The following ARHGAP17 variants were observed in gnomAD, a reference collection of about 807,000 sequenced individuals.
ARHGAP17 encodes rho GTPase-activating protein 17.
In ARHGAP17, 57 loss-of-function variants were observed where a neutral mutation model predicts 99.5. The ratio of observed to expected loss-of-function variants is 0.57; its 90% CI spans 0.46 to 0.71. The LOEUF is 0.71. ARHGAP17 is among the 30% of genes least tolerant of loss of function. The pLI is 0.00. For synonymous variants in ARHGAP17, 417 were observed against 429.6 expected, an observed-to-expected ratio of 0.97 and a Z score of 0.36; for missense variants, 1,000 against 1,122.4, an observed-to-expected ratio of 0.89 and a Z score of 1.56.
At chr16:24,983,365 G>C (rs904281216) in intron 1 of ARHGAP17, among the ~76,000 whole-genome samples, 2 of 149,048 alleles carry the variant, frequency 1.3e-5, no homozygotes, top group African/African-American at 5.1e-5. Flanking sequence ...GCAGTGGCCT[G>C]ATCACAGCTC....
chr16:24,950,980 G>A (rs1448879929), intron 12 of ARHGAP17, among the ~76,000 whole-genome samples: 2 of 152,176 alleles, frequency 1.3e-5, no homozygotes, highest in Admixed American at 6.5e-5. Context: ...AGGGAACAGG[G>A]GCAGTGTCCG....
intron 1 of ARHGAP17, among the ~76,000 whole-genome samples, chr16:24,982,983 T>TATATATAC (rs1555467465): frequency 6.7e-5 from 1 of 15,004 alleles, no homozygotes; most frequent in African/African-American, 2.0e-4. Context: ...TATATATATA[T>TATATATAC]ATATATATAT....
intron 9 of ARHGAP17, among the ~76,000 whole-genome samples, chr16:24,957,850 C>T (rs1336243657): frequency 6.6e-6 from 1 of 152,112 alleles, no homozygotes; most frequent in African/African-American, 2.4e-5. Flanking sequence ...CAGATTACCA[C>T]CAACTGACCA....
chr16:24,982,311 C>T (rs1456384663), intron 1 of ARHGAP17, among the ~76,000 whole-genome samples: 3 of 151,338 alleles, frequency 2.0e-5, no homozygotes, highest in Admixed American at 1.3e-4. Flanking sequence ...GGTTGAGGCA[C>T]GAGAATTGCT....
chr16:24,968,808 T>C, intron 4 of ARHGAP17, 36 bp from the exon 5 acceptor site: 1 of 1,600,262 alleles, frequency 6.2e-7, no homozygotes, highest in Non-Finnish European at 8.6e-7. Flanking sequence ...GAGCACGTGC[T>C]CATTAAATCA....
chr16:24,981,472 C>G (rs980272152), intron 1 of ARHGAP17, among the ~76,000 whole-genome samples: 1 of 151,968 alleles, frequency 6.6e-6, no homozygotes, highest in Non-Finnish European at 1.5e-5. Context: ...AGGGAAAGGG[C>G]CCTAAACCCT....
chr16:24,938,288 C>T lies in ARHGAP17; in HGVS notation c.1724+1076G>A, dbSNP rs186079237. On this transcript the variant is annotated intron_variant, in intron 17 of 19. Transcript: ENST00000289968. ...CTGAGGCAAGAGAATCACTTGAACC[C>T]GGGAGACGGAGGTTGCAGTGAACCG... is the stretch of plus-strand genomic sequence containing the variant. Among the ~76,000 whole-genome samples, 48 of 151,984 alleles carry T rather than the reference C, an allele frequency of 3.2e-4. No homozygotes were observed. The Middle Eastern group carries it at 0.01, about 32-fold the overall frequency.
intron 13 of ARHGAP17, among the ~76,000 whole-genome samples, chr16:24,948,548 T>C (rs914556001): frequency 6.6e-6 from 1 of 152,112 alleles, no homozygotes; most frequent in Non-Finnish European, 1.5e-5. Flanking sequence ...ACTCTCAACA[T>C]ACTAAGAAGT....
At position 24,977,293 on chromosome 16, in the gene ARHGAP17, C is replaced by G. The variant is rs139174554; in HGVS notation, c.120G>C (p.Arg40=). The change falls in exon 3 of 20, where the codon CGG becomes CGC. Residue 40 remains arginine (R), a synonymous_variant. Coordinates refer to ENST00000289968, the MANE Select transcript of ARHGAP17 (RefSeq NM_001006634.3). Reference sequence around the variant, plus strand: ...GCTTATGGGAATGGTGGCATATTGACCGCACCGTGTCCAGGCGTCTCTCAA... The same window carrying G: ...GCTTATGGGAATGGTGGCATATTGAGCGCACCGTGTCCAGGCGTCTCTCAA... ...LQIERRLDTV[R]SICHHSHKRL... The G allele has an allele frequency of 1.7e-5, 27 of 1,594,662 alleles. No homozygotes were observed. The highest frequency in any genetic ancestry group is 2.2e-5 in the Non-Finnish European group (26 of 1,166,636).
At chr16:24,975,600 A>T (rs2052491229) in intron 3 of ARHGAP17, among the ~76,000 whole-genome samples, 1 of 152,186 alleles carries the variant, frequency 6.6e-6, no homozygotes, top group Non-Finnish European at 1.5e-5. Flanking sequence ...CTGTTGTGCA[A>T]GAGTGGAAAA....
Position 24,935,559 on chromosome 16 carries a change from T to C in ARHGAP17, c.1805A>G (p.Asn602Ser), listed in dbSNP as rs780759215. ...RNNSQIASGQ[N>S]QPQAAAGSHQ... ...GGAGCCAGCAGCTGCCTGGGGCTGA[T>C]TTTGGCCAGATGCTATCTGACTGTT... is the stretch of plus-strand genomic sequence containing the variant. Residue 602 changes from asparagine to serine, a missense_variant, in exon 18 of 20, where the codon AAT (asparagine) becomes AGT (serine). Coordinates refer to ENST00000289968, the MANE Select transcript of ARHGAP17 (RefSeq NM_001006634.3). 4 of 1,614,054 alleles carry C rather than the reference T, an allele frequency of 2.5e-6. No individual in the cohort carries two copies. The highest frequency in any genetic ancestry group is 3.3e-4 in the Middle Eastern group (2 of 6,062).
At chr16:24,948,107 T>A (rs2051526784) in intron 13 of ARHGAP17, among the ~76,000 whole-genome samples, 1 of 152,138 alleles carries the variant, frequency 6.6e-6, no homozygotes, top group Non-Finnish European at 1.5e-5. Flanking sequence ...CTTAAATAAA[T>A]CACAGTATAT....
intron 12 of ARHGAP17, among the ~76,000 whole-genome samples, chr16:24,950,663 T>C (rs113306001): frequency 1.8e-4 from 28 of 151,886 alleles, no homozygotes; most frequent in African/African-American, 6.3e-4. Context: ...GGTGAAACCT[T>C]GTCTCTACTA....
rs190430093 is a variant in ARHGAP17, at chr16:24,988,697, G to A, written c.54-9692C>T. Among the ~76,000 whole-genome samples, 322 of 152,192 alleles carry A rather than the reference G, an allele frequency of 2.1e-3. 1 individual carries two copies. The highest frequency in any genetic ancestry group is 6.9e-3 in the African/African-American group (285 of 41,526). On this transcript the variant is annotated intron_variant, in intron 1 of 19. Coordinates refer to ENST00000289968, the MANE Select transcript of ARHGAP17 (RefSeq NM_001006634.3). ...AGCTTACCCACGCAGCGTTTTGTTCGGTCAGTTGGCTTTTTCCCCTCTGGC... is the reference window on the plus strand; with the variant it reads ...AGCTTACCCACGCAGCGTTTTGTTCAGTCAGTTGGCTTTTTCCCCTCTGGC...
intron 2 of ARHGAP17, among the ~76,000 whole-genome samples, chr16:24,978,342 G>A (rs996345429): frequency 5.3e-5 from 8 of 152,136 alleles, no homozygotes; most frequent in East Asian, 3.9e-4. Context: ...TTTAATATTC[G>A]TTGAGAGGGC....
At chr16:24,924,810 C>G (rs2050799708) in intron 19 of ARHGAP17, among the ~76,000 whole-genome samples, 1 of 151,770 alleles carries the variant, frequency 6.6e-6, no homozygotes. Flanking sequence ...TCACAGTGAG[C>G]TGAGATCGCA....
At position 25,013,211 on chromosome 16, in the gene ARHGAP17, G is replaced by C. The variant is rs958857011; in HGVS notation, c.53+1998C>G. ...CCAGAAGGCTGAAGAATGAGCAAGA[G>C]GTGCCTGGAGAAAAGGTGTGGTGGG... is the stretch of plus-strand genomic sequence containing the variant. On this transcript the variant is annotated intron_variant, in intron 1 of 19. Coordinates refer to ENST00000289968, the MANE Select transcript of ARHGAP17 (RefSeq NM_001006634.3). Among the ~76,000 whole-genome samples the C allele has an allele frequency of 2.0e-5, 3 of 152,192 alleles. No individual in the cohort carries two copies. The East Asian group carries it at 5.8e-4, about 29-fold the overall frequency.
chr16:25,012,166 T>C (rs1338676625), intron 1 of ARHGAP17, among the ~76,000 whole-genome samples: 2 of 152,248 alleles, frequency 1.3e-5, no homozygotes, highest in Non-Finnish European at 2.9e-5. Context: ...AAAAGGCAGG[T>C]GGACTAAAAG....
At chr16:24,978,866 T>TA (rs56027541) in intron 2 of ARHGAP17, 100 bp downstream of exon 2, 10,362 of 585,000 alleles carry the variant, frequency 0.018, 8 homozygotes, top group South Asian at 0.038. Flanking sequence ...TGTTTCTGGT[T>TA]AAAAAAAAAA....
Sources: allele counts gnomAD v4.1 joint callset (sites outside exome capture counted in the v4.1 genomes callset), GRCh38; gene constraint gnomAD v4.1.1; transcripts MANE v1.5; gene names NCBI Gene and HGNC (gene_info 2026-07-23, HGNC 2026-07-21).